The following OTC variants were observed in gnomAD, a reference collection of about 807,000 sequenced individuals.
OTC encodes ornithine transcarbamylase, mitochondrial.
OTC carries 3 observed loss-of-function variants against 30.3 expected under a neutral mutation model. That is an observed-to-expected ratio of 0.10 (90% CI 0.05 to 0.26). The LOEUF is 0.26. OTC is among the 10% of genes least tolerant of loss of function. The probability of loss-of-function intolerance (pLI) is 1.00; values close to 1 mark genes in which losing one functional copy is unlikely to be tolerated. For missense variants in OTC, 194 were observed against 260.3 expected, an observed-to-expected ratio of 0.75 and a Z score of 1.75; for synonymous variants, 111 against 99.7, an observed-to-expected ratio of 1.11 and a Z score of -0.67.
chrX:38,339,461 A>T, the OTC span, among the ~76,000 whole-genome samples: 3 of 106,825 alleles, frequency 2.8e-5, no homozygotes, highest in Non-Finnish European at 3.9e-5. Context: ...ATATGGGTAA[A>T]CTCCTGTCAC....
intron 4 of OTC, among the ~76,000 whole-genome samples, chrX:38,383,177 T>A: frequency 9.0e-6 from 1 of 111,338 alleles, no homozygotes. Flanking sequence ...CATGAATACA[T>A]GGGTCCATGA....
chrX:38,355,407 AT>A (rs1230476232), intron 1 of OTC, among the ~76,000 whole-genome samples: 6 of 112,278 alleles, frequency 5.3e-5, no homozygotes, highest in African/African-American at 1.9e-4. Flanking sequence ...TAAAAAAAAA[AT>A]CTCTTTCTTT....
intron 9 of OTC, among the ~76,000 whole-genome samples, chrX:38,415,987 C>T (rs1443595903): frequency 8.9e-6 from 1 of 112,250 alleles, no homozygotes; most frequent in African/African-American, 3.2e-5. Flanking sequence ...GCACAGACAT[C>T]GAACACTTCC....
At chrX:38,394,546 C>T (rs1281528039) in intron 4 of OTC, among the ~76,000 whole-genome samples, 1 of 111,054 alleles carries the variant, frequency 9.0e-6, no homozygotes. Flanking sequence ...TTTTTCGTGT[C>T]CATCTCTCCC....
At chrX:38,410,770 G>A (rs1285246564) in intron 8 of OTC, among the ~76,000 whole-genome samples, 1 of 111,967 alleles carries the variant, frequency 8.9e-6, no homozygotes, top group Non-Finnish European at 1.9e-5. Flanking sequence ...CTGTAGGATT[G>A]AAGAACAGTC....
At chrX:38,390,115 T>C (rs920708848) in intron 4 of OTC, among the ~76,000 whole-genome samples, 1 of 112,104 alleles carries the variant, frequency 8.9e-6, no homozygotes, top group African/African-American at 3.2e-5. Context: ...GATCTAACAT[T>C]TAAATCAAAA....
chrX:38,337,724 C>G, the OTC span, among the ~76,000 whole-genome samples: 1 of 112,057 alleles, frequency 8.9e-6, no homozygotes, highest in Admixed American at 9.5e-5. Flanking sequence ...CATCCTTACA[C>G]TCTATTCCCA....
At chrX:38,415,651 G>C (rs1005196403) in intron 9 of OTC, among the ~76,000 whole-genome samples, 1 of 110,425 alleles carries the variant, frequency 9.1e-6, no homozygotes, top group Non-Finnish European at 1.9e-5. Context: ...TCAGGAGTTT[G>C]AGACCAGCCT....
rs1416217766 is a variant in OTC at position 38,401,305 on chromosome X, G to A, written c.417G>A (p.Leu139=). The A allele has an allele frequency of 8.3e-7, 1 of 1,201,978 alleles. No individual in the cohort carries two copies. The highest frequency in any genetic ancestry group is 3.0e-5 in the East Asian group (1 of 33,749). The change falls in exon 5 of 10, where the codon TTG becomes TTA. Residue 139 remains leucine (L), a synonymous_variant. Transcript: ENST00000039007. ...TGTCTAGCATGGCAGATGCAGTATT[G>A]GCTCGAGTGTATAAACAATCAGATT... ...RVLSSMADAV[L]ARVYKQSDLD... is the part of the protein sequence containing the mutation.
intron 1 of OTC, among the ~76,000 whole-genome samples, chrX:38,362,772 T>C (rs1255929109): frequency 1.8e-5 from 2 of 112,279 alleles, no homozygotes; most frequent in East Asian, 5.6e-4. Context: ...CCAGTCTGTC[T>C]TCTATTGGGG....
intron 3 of OTC, among the ~76,000 whole-genome samples, chrX:38,379,862 C>T (rs1164667325): frequency 2.7e-5 from 3 of 111,115 alleles, no homozygotes; most frequent in Non-Finnish European, 3.8e-5. Context: ...ATTTCCTGAC[C>T]TCGTGATCCA....
chrX:38,362,800 C>T lies in OTC; in HGVS notation c.78-4491C>T, dbSNP rs773292884. On this transcript the variant is annotated intron_variant, in intron 1 of 9. Transcript: ENST00000039007. ...TATTGGGGATAATAAGAACTGGAAG[C>T]TGGAGCTTTTGGAGTAGTAAAAGGT... is the stretch of plus-strand genomic sequence containing the variant. 2.7e-5 allele frequency among the ~76,000 whole-genome samples: 3 copies of T among 112,220 alleles called. No homozygotes were observed. In the East Asian group the frequency reaches 8.4e-4, roughly 31 times the overall value.
chrX:38,420,232 T>C (rs1264568704), intron 9 of OTC, among the ~76,000 whole-genome samples: 4 of 111,305 alleles, frequency 3.6e-5, no homozygotes, highest in Non-Finnish European at 5.7e-5. Flanking sequence ...CAAGGATTGA[T>C]TTCCTCAACT....
intron 4 of OTC, among the ~76,000 whole-genome samples, chrX:38,388,803 G>A (rs1602023867): frequency 8.9e-6 from 1 of 112,214 alleles, no homozygotes; most frequent in East Asian, 2.8e-4. Context: ...ATTTACTTAT[G>A]GTAGTGATTG....
chrX:38,396,346 T>A (rs926886529), intron 4 of OTC, among the ~76,000 whole-genome samples: 1 of 111,927 alleles, frequency 8.9e-6, no homozygotes, highest in Non-Finnish European at 1.9e-5. Flanking sequence ...ATTGCAATAT[T>A]TAATAATATA....
intron 1 of OTC, among the ~76,000 whole-genome samples, chrX:38,355,779 GT>G (rs1344969029): frequency 8.9e-6 from 1 of 112,580 alleles, no homozygotes; most frequent in African/African-American, 3.2e-5. Flanking sequence ...GCTCATGCTT[GT>G]AATCCCTGCA....
chrX:38,329,577 C>G, the OTC span, among the ~76,000 whole-genome samples: 1 of 111,639 alleles, frequency 9.0e-6, no homozygotes, highest in Non-Finnish European at 1.9e-5. Context: ...CTTTGCAACC[C>G]CCACCCCCTT....
chrX:38,400,340 C>A (rs140159654), intron 4 of OTC, among the ~76,000 whole-genome samples: 1 of 111,642 alleles, frequency 9.0e-6, no homozygotes, highest in East Asian at 2.8e-4. Flanking sequence ...CTTTGATTCT[C>A]TAATCCCTGG....
chrX:38,352,291 A>G (rs182086652), upstream of OTC, among the ~76,000 whole-genome samples: 12 of 111,833 alleles, frequency 1.1e-4, no homozygotes, highest in African/African-American at 3.6e-4. Context: ...TGCAGTGCCA[A>G]TTTGCATTTT....
Sources: gnomAD v4.1 joint callset for allele counts (sites outside exome capture counted in the v4.1 genomes callset) on GRCh38, gnomAD v4.1.1 for gene constraint, MANE v1.5 for transcripts, NCBI Gene and HGNC (gene_info 2026-07-23, HGNC 2026-07-21) for gene names.